CRB1: variants seen among roughly 807,000 people sequenced by gnomAD.
The protein encoded by CRB1 is protein crumbs homolog 1.
In CRB1, 83 loss-of-function variants were observed where a neutral mutation model predicts 120.0. That is an observed-to-expected ratio of 0.69 (90% confidence interval 0.58 to 0.83). CRB1 has a LOEUF of 0.83. Ranked by LOEUF, CRB1 falls within the 40% of genes least tolerant of loss-of-function variation. CRB1 has a pLI of 0.00. For synonymous variants in CRB1, 625 were observed against 612.5 expected (o/e 1.02, Z -0.30); for missense variants, 1,699 against 1,687.6 (o/e 1.01, Z -0.12).
At position 197,476,401 on chromosome 1, in the gene CRB1, C is replaced by T. The variant is rs572672330; in HGVS notation, c.4006-1263C>T. Among the ~76,000 whole-genome samples, 341 of 148,252 alleles carry T rather than the reference C, an allele frequency of 2.3e-3. 3 individuals carry two copies. Among genetic ancestry groups the T allele is most frequent in the African/African-American group, 8.1e-3 (327 of 40,472 alleles). ...GTGTGTGTGTGTGTGTGTGTGTGCG[C>T]GTCTTCCTCTTCTCCTATCTCCAGA... is the stretch of plus-strand genomic sequence containing the variant. On this transcript the variant is annotated intron_variant, in intron 11 of 11. Transcript: ENST00000367400.
At chr1:197,256,587 G>A in the CRB1 span, among the ~76,000 whole-genome samples, 1 of 151,964 alleles carries the variant, frequency 6.6e-6, no homozygotes, top group South Asian at 2.1e-4. Flanking sequence ...CTGAGCAGAA[G>A]GGCTCCAAGT....
At chr1:197,453,378 T>C (rs1666068313) in intron 11 of CRB1, among the ~76,000 whole-genome samples, 1 of 147,544 alleles carries the variant, frequency 6.8e-6, no homozygotes, top group Non-Finnish European at 1.5e-5. Flanking sequence ...TTAAATTATA[T>C]ATAATTAAAT....
the CRB1 span, among the ~76,000 whole-genome samples, chr1:197,219,873 T>G: frequency 6.6e-6 from 1 of 152,226 alleles, no homozygotes; most frequent in African/African-American, 2.4e-5. Flanking sequence ...TGTAGTACTA[T>G]CTCTGTGTCA....
Position 197,354,817 on chromosome 1 carries a change from GCCCCCCCACCCCCC to G in CRB1, c.989-2007_989-1994del, listed in dbSNP as rs1660356488. Among the ~76,000 whole-genome samples the G allele has an allele frequency of 2.1e-3, 41 of 19,462 alleles. 1 individual carries two copies. The highest frequency in any genetic ancestry group is 5.8e-3 in the Admixed American group (7 of 1,216). The allele number at this position is 19,462 out of a possible 152,430, so 12.8% of individuals were successfully genotyped here. A position where few individuals can be genotyped will look rare whatever the true frequency, so the allele number is the denominator to read the frequency against. On this transcript the variant is annotated intron_variant, in intron 4 of 11. Transcript: ENST00000367400. ...GCTTTTATTCCCTTATCTGCCCCCC[GCCCCCCCACCCCCC>G]CCCCCCGCCCACCCCCCCCCCCCCG...
intron 5 of CRB1, among the ~76,000 whole-genome samples, chr1:197,411,666 T>A (rs1259196647): frequency 1.3e-5 from 2 of 152,194 alleles, no homozygotes; most frequent in Non-Finnish European, 2.9e-5. Context: ...TGTACATCAC[T>A]CTGATATATT....
Position 197,347,488 on chromosome 1 carries a change from CA to C in CRB1, c.988+13del. The C allele has an allele frequency of 6.2e-7, 1 of 1,613,638 alleles. No individual in the cohort carries two copies. The highest frequency in any genetic ancestry group is 8.5e-7 in the Non-Finnish European group (1 of 1,179,546). ...TTGTCACTGCTGGCCTGGTGAGTGACAAAATACCTTCCACCAATTATTTTTC... is the reference window on the plus strand; with the variant it reads ...TTGTCACTGCTGGCCTGGTGAGTGACAAATACCTTCCACCAATTATTTTTC... On this transcript the variant is annotated intron_variant, in intron 4 of 11. Coordinates refer to ENST00000367400, the MANE Select transcript of CRB1 (RefSeq NM_201253.3).
At position 197,427,799 on chromosome 1, in the gene CRB1, A is replaced by G. The variant is rs1363548032; in HGVS notation, c.2474A>G (p.Glu825Gly). 6.2e-7 allele frequency: 1 copy of G among 1,614,048 alleles called. No individual in the cohort carries two copies. Among genetic ancestry groups the G allele is most frequent in the Non-Finnish European group, 8.5e-7 (1 of 1,179,982 alleles). Residue 825 changes from glutamate to glycine, a missense_variant, in exon 7 of 12, where the codon GAA (glutamate) becomes GGA (glycine). Physicochemically the swap from Glu to Gly is moderately conservative, Grantham distance 98 (BLOSUM62 -2). Transcript: ENST00000367400. ...ATTTCTGCTTCTACGTGGAAAATCG[A>G]AAAGGGAGATGTCATCTACATTGGT... is the stretch of plus-strand genomic sequence containing the variant. ...GFISASTWKI[E>G]KGDVIYIGGL...
At position 197,356,842 on chromosome 1, in the gene CRB1, G is replaced by C; in HGVS notation, c.1000G>C (p.Ala334Pro). 1 of 1,614,008 alleles carries C rather than the reference G, an allele frequency of 6.2e-7. No individual in the cohort carries two copies. The highest frequency in any genetic ancestry group is 8.5e-7 in the Non-Finnish European group (1 of 1,179,866). The part of the protein sequence containing the change: ...TCHCWPGYTG[A>P]QCEIDLNECN... Reference sequence around the variant, plus strand: ...TTTTCATCATGCAGGATACACAGGTGCCCAGTGTGAGATCGACCTCAATGA... The same window carrying C: ...TTTTCATCATGCAGGATACACAGGTCCCCAGTGTGAGATCGACCTCAATGA... The change falls in exon 5 of 12, where the codon GCC becomes CCC. Residue 334 changes from alanine to proline, a missense_variant. Ala to Pro is a conservative substitution (Grantham distance 27, BLOSUM62 -1). Transcript: ENST00000367400.
rs1251664277 is a variant in CRB1, at chr1:197,414,571, TTTAA to T, written c.1172-6420_1172-6417del. Among the ~76,000 whole-genome samples, 12 of 152,294 alleles carry T rather than the reference TTTAA, an allele frequency of 7.9e-5. No individual in the cohort carries two copies. In the East Asian group the frequency reaches 1.9e-3, roughly 24 times the overall value. ...AGGAAAGTAAAATGAGGTGACAGTT[TTTAA>T]TTAATTAAATTAATTGACTTTAAGC... On this transcript the variant is annotated intron_variant, in intron 5 of 11. Transcript: ENST00000367400.
At chr1:197,275,545 C>G (rs1655156499) in intron 1 of CRB1, among the ~76,000 whole-genome samples, 1 of 152,034 alleles carries the variant, frequency 6.6e-6, no homozygotes, top group Non-Finnish European at 1.5e-5. Context: ...TTTTCCCCCT[C>G]TTTACACTGT....
chr1:197,205,814 A>G, the CRB1 span, among the ~76,000 whole-genome samples: 3 of 151,544 alleles, frequency 2.0e-5, no homozygotes, highest in Admixed American at 1.3e-4. Flanking sequence ...AATAATGTCA[A>G]TAGGATTGGT....
At chr1:197,453,298 TATAAGTATATATATTTATATATA>T (rs1666058464) in intron 11 of CRB1, among the ~76,000 whole-genome samples, 1 of 26,092 alleles carries the variant, frequency 3.8e-5, no homozygotes, top group African/African-American at 5.4e-5. Flanking sequence ...TAAATTAGTA[TATAAGTATATATATTTATATATA>T]ATAAGTATAT....
chr1:197,288,946 A>C (rs1475476337), intron 1 of CRB1, among the ~76,000 whole-genome samples: 1 of 150,918 alleles, frequency 6.6e-6, no homozygotes, highest in Non-Finnish European at 1.5e-5. Context: ...TTCTCTAAAA[A>C]GGATGAAAAC....
the CRB1 span, among the ~76,000 whole-genome samples, chr1:197,212,945 A>C: frequency 3.9e-5 from 6 of 152,198 alleles, no homozygotes; most frequent in African/African-American, 1.4e-4. Flanking sequence ...AGAGGTGAAC[A>C]TCAAAAATAA....
chr1:197,287,487 G>A (rs993879528), intron 1 of CRB1, among the ~76,000 whole-genome samples: 1 of 151,758 alleles, frequency 6.6e-6, no homozygotes, highest in African/African-American at 2.4e-5. Flanking sequence ...ATAGGTCAAC[G>A]GTAGAGAGTT....
the CRB1 span, among the ~76,000 whole-genome samples, chr1:197,259,070 A>G: frequency 2.0e-5 from 3 of 152,182 alleles, no homozygotes; most frequent in African/African-American, 7.2e-5. Context: ...ATGCTTTTAC[A>G]CTGTTGGTGG....
the CRB1 span, among the ~76,000 whole-genome samples, chr1:197,260,749 T>TGC: frequency 1.3e-5 from 2 of 150,836 alleles, no homozygotes; most frequent in South Asian, 4.2e-4. Flanking sequence ...CAGGCTAGAG[T>TGC]GCGGTAGGGA....
chr1:197,261,196 A>G, the CRB1 span, among the ~76,000 whole-genome samples: 1 of 152,340 alleles, frequency 6.6e-6, no homozygotes, highest in East Asian at 1.9e-4. Flanking sequence ...ATACCTTTAC[A>G]TACCCAATAG....
chr1:197,284,189 T>G (rs1655693534), intron 1 of CRB1, among the ~76,000 whole-genome samples: 1 of 151,884 alleles, frequency 6.6e-6, no homozygotes, highest in African/African-American at 2.4e-5. Context: ...CACAATAGAC[T>G]TCATCAAGCA....
Sources: allele counts gnomAD v4.1 joint callset (sites outside exome capture counted in the v4.1 genomes callset), GRCh38; gene constraint gnomAD v4.1.1; transcripts MANE v1.5; gene names NCBI Gene and HGNC (gene_info 2026-07-23, HGNC 2026-07-21).